Variants in COL14A1 observed in about 807,000 individuals in gnomAD.
COL14A1 encodes collagen alpha-1(XIV) chain.
Under a neutral mutation model 230.3 loss-of-function variants are expected in COL14A1, and 136 were observed. That is an observed-to-expected ratio of 0.59 (90% CI 0.51 to 0.68). COL14A1 has a LOEUF of 0.68. COL14A1 is among the 30% of genes least tolerant of loss of function. COL14A1 has a pLI of 0.00. For synonymous variants in COL14A1, 792 were observed against 784.1 expected (o/e 1.01, Z -0.17); for missense variants, 1,976 against 2,215.8 (o/e 0.89, Z 2.17).
chr8:120,208,979 T>C (rs1586767811), intron 11 of COL14A1, among the ~76,000 whole-genome samples: 1 of 152,172 alleles, frequency 6.6e-6, no homozygotes, highest in African/African-American at 2.4e-5. Context: ...TATGCAAAAT[T>C]GCTCTAAAAA....
intron 42 of COL14A1, among the ~76,000 whole-genome samples, chr8:120,336,075 G>A (rs948506215): frequency 3.3e-5 from 5 of 152,156 alleles, no homozygotes; most frequent in Non-Finnish European, 1.5e-5. Flanking sequence ...CACAATACAT[G>A]TAAGATTACA....
rs1817328728 is a variant in COL14A1 at position 120,203,640 on chromosome 8, G to C, written c.878-69G>C. 12 of 1,503,898 alleles carry C rather than the reference G, an allele frequency of 8.0e-6. No individual in the cohort carries two copies. In the South Asian group the frequency reaches 1.5e-4, roughly 19 times the overall value. 93.2% of individuals were successfully genotyped at this position (1,503,898 alleles called of 1,614,324 possible). ...AAGATTGACTGACTGGGTCAGATCA[G>C]GCCCACCGCAGTCACTCTTTCCAAG... On this transcript the variant is annotated intron_variant, in intron 8 of 47. Transcript: ENST00000297848.
At position 120,316,056 on chromosome 8, in the gene COL14A1, C is replaced by A. The variant is rs558308947; in HGVS notation, c.4659+59C>A. ...GTAGTGACCTTTTCACCAGGTCACTCTTATTGCTGACAGGCTTCTATGTAA... is the reference window on the plus strand; with the variant it reads ...GTAGTGACCTTTTCACCAGGTCACTATTATTGCTGACAGGCTTCTATGTAA... On this transcript the variant is annotated intron_variant, in intron 40 of 47. Coordinates refer to ENST00000297848, the MANE Select transcript of COL14A1 (RefSeq NM_021110.4). 2.1e-5 allele frequency: 32 copies of A among 1,543,742 alleles called. No homozygotes were observed. In the South Asian group the frequency reaches 2.8e-4, roughly 14 times the overall value.
At chr8:120,315,914 C>T in intron 39 of COL14A1, 30 bp from the exon 40 acceptor site, 1 of 1,611,904 alleles carries the variant, frequency 6.2e-7, no homozygotes, top group Non-Finnish European at 8.5e-7. Context: ...TCCTGTGAAC[C>T]TGACTCTTTT....
At position 120,297,440 on chromosome 8, in the gene COL14A1, A is replaced by T. The variant is rs7357581; in HGVS notation, c.4237-71A>T. On this transcript the variant is annotated intron_variant, in intron 34 of 47. Coordinates refer to ENST00000297848, the MANE Select transcript of COL14A1 (RefSeq NM_021110.4). ...GTATTGGTATTCTGTTATATAATAC[A>T]TAACATAAAATCATTATAAAGATAA... is the stretch of plus-strand genomic sequence containing the variant. 109,885 of 759,498 alleles carry T rather than the reference A, an allele frequency of 0.14. 8,527 individuals carry two copies. Among genetic ancestry groups the T allele is most frequent in the Non-Finnish European group, 0.16 (83,914 of 521,962 alleles). 47.0% of individuals were successfully genotyped at this position (759,498 alleles called of 1,614,324 possible). A position where few individuals can be genotyped will look rare whatever the true frequency, so the allele number is the denominator to read the frequency against.
chr8:120,284,753 G>T (rs1180334318), intron 32 of COL14A1, among the ~76,000 whole-genome samples: 1 of 152,048 alleles, frequency 6.6e-6, no homozygotes, highest in Non-Finnish European at 1.5e-5. Context: ...TGAAAATGAA[G>T]AATTTTCTTA....
chr8:120,283,482 A>G (rs2129918879), intron 31 of COL14A1, among the ~76,000 whole-genome samples, 154 bp from the exon 32 acceptor site: 1 of 152,352 alleles, frequency 6.6e-6, no homozygotes, highest in East Asian at 1.9e-4. Flanking sequence ...CACATTCTTT[A>G]CTAAATTAGA....
At chr8:120,227,487 A>AT in intron 17 of COL14A1, 135 bp downstream of exon 17, 1 of 1,091,546 alleles carries the variant, frequency 9.2e-7, no homozygotes. Flanking sequence ...AATTCTTCAT[A>AT]TATCTTCACT....
intron 13 of COL14A1, 101 bp downstream of exon 13, chr8:120,212,678 G>A: frequency 7.9e-7 from 1 of 1,270,722 alleles, no homozygotes; most frequent in Admixed American, 2.2e-5. Flanking sequence ...CCTCTTAAAA[G>A]CTAATTATAA....
intron 2 of COL14A1, among the ~76,000 whole-genome samples, chr8:120,149,411 C>A (rs914460564): frequency 6.6e-6 from 1 of 152,170 alleles, no homozygotes; most frequent in Admixed American, 6.5e-5. Flanking sequence ...TTGGTAGACA[C>A]ATTCTGCTTA....
chr8:120,247,677 G>A lies in COL14A1; in HGVS notation c.2544G>A (p.Thr848=), dbSNP rs1027472533. 5.0e-6 allele frequency: 8 copies of A among 1,613,982 alleles called. No individual in the cohort carries two copies. The highest frequency in any genetic ancestry group is 1.6e-4 in the Middle Eastern group (1 of 6,082). ...SEEWYNRLRI[T]WDPPSSPVKG... ...AATGGTATAACCGGTTGCGCATTAC[G>A]TGGGACCCCCCATCTTCCCCGGTGA... The change falls in exon 21 of 48, where the codon ACG becomes ACA. Residue 848 remains threonine (T), a synonymous_variant. Coordinates refer to ENST00000297848, the MANE Select transcript of COL14A1 (RefSeq NM_021110.4).
At chr8:120,313,830 C>G in intron 37 of COL14A1, 102 bp from the exon 38 acceptor site, 1 of 722,656 alleles carries the variant, frequency 1.4e-6, no homozygotes. Flanking sequence ...TTAAGAAAAA[C>G]TATATAAGAA....
intron 38 of COL14A1, among the ~76,000 whole-genome samples, chr8:120,315,226 T>G (rs2130112978): frequency 6.6e-6 from 1 of 151,810 alleles, no homozygotes; most frequent in Non-Finnish European, 1.5e-5. Flanking sequence ...AAAAATTAGC[T>G]GGGTGTGGTG....
At chr8:120,131,999 C>T (rs1286339660) in intron 1 of COL14A1, among the ~76,000 whole-genome samples, 1 of 151,588 alleles carries the variant, frequency 6.6e-6, no homozygotes, top group Non-Finnish European at 1.5e-5. Context: ...GGCATATGCC[C>T]CACCATGCCC....
intron 23 of COL14A1, among the ~76,000 whole-genome samples, chr8:120,255,803 G>A (rs1297491827): frequency 6.6e-6 from 1 of 151,380 alleles, no homozygotes; most frequent in African/African-American, 2.4e-5. Context: ...TTCTTTTGGG[G>A]ATAATTGGTG....
At position 120,215,388 on chromosome 8, in the gene COL14A1, A is replaced by G. The variant is rs916941562; in HGVS notation, c.1598-963A>G. On this transcript the variant is annotated intron_variant, in intron 13 of 47. Transcript: ENST00000297848. ...TCTGTCAGAAAGAAAGAAAGAAAAGAAAGGAAGGAAGGAAGGAAGGAAGGT... is the reference window on the plus strand; with the variant it reads ...TCTGTCAGAAAGAAAGAAAGAAAAGGAAGGAAGGAAGGAAGGAAGGAAGGT... Among the ~76,000 whole-genome samples, 55 of 151,728 alleles carry G rather than the reference A, an allele frequency of 3.6e-4. 1 individual carries two copies. Among genetic ancestry groups the G allele is most frequent in the Admixed American group, 3.6e-3 (55 of 15,210 alleles).
chr8:120,331,586 G>A (rs951251645), intron 40 of COL14A1, among the ~76,000 whole-genome samples: 1 of 152,156 alleles, frequency 6.6e-6, no homozygotes, highest in Non-Finnish European at 1.5e-5. Context: ...AGGGAATGAG[G>A]AGCAAACACG....
chr8:120,143,198 A>T (rs1302869172), intron 1 of COL14A1, among the ~76,000 whole-genome samples: 2 of 151,856 alleles, frequency 1.3e-5, no homozygotes, highest in East Asian at 3.8e-4. Context: ...GCCTAGCTCC[A>T]GTCTAAAGCC....
chr8:120,332,099 T>A (rs759754175), intron 40 of COL14A1, 42 bp from the exon 41 acceptor site: 1 of 1,595,602 alleles, frequency 6.3e-7, no homozygotes, highest in Non-Finnish European at 8.6e-7. Flanking sequence ...GAAAGCCATA[T>A]AAAGCAACCA....
Sources: allele counts gnomAD v4.1 joint callset (sites outside exome capture counted in the v4.1 genomes callset), GRCh38; gene constraint gnomAD v4.1.1; transcripts MANE v1.5; gene names NCBI Gene and HGNC (gene_info 2026-07-23, HGNC 2026-07-21).